RIMS2: variants seen among roughly 807,000 people sequenced by gnomAD.
RIMS2 encodes the protein regulating synaptic membrane exocytosis protein 2.
Under a neutral mutation model 174.4 loss-of-function variants are expected in RIMS2, and 59 were observed. The ratio of observed to expected loss-of-function variants is 0.34; its 90% CI spans 0.27 to 0.42. The LOEUF (loss-of-function observed/expected upper bound fraction) is 0.42, where lower values mean the gene tolerates loss of function less well. Ranked by LOEUF, RIMS2 falls within the 10% of genes least tolerant of loss-of-function variation. The probability of loss-of-function intolerance (pLI) is 1.00; values close to 1 mark genes in which losing one functional copy is unlikely to be tolerated. For missense variants in RIMS2, 1,620 were observed against 1,666.3 expected, an observed-to-expected ratio of 0.97 and a Z score of 0.48; for synonymous variants, 606 against 572.5, an observed-to-expected ratio of 1.06 and a Z score of -0.84.
intron 1 of RIMS2, among the ~76,000 whole-genome samples, chr8:103,589,801 T>A (rs1257003418): frequency 6.6e-6 from 1 of 151,418 alleles, no homozygotes; most frequent in Admixed American, 6.6e-5. Context: ...GAACTGGAGA[T>A]CATTATGTTA....
At chr8:103,887,605 A>AC (rs902134402) in intron 4 of RIMS2, among the ~76,000 whole-genome samples, 2 of 150,912 alleles carry the variant, frequency 1.3e-5, no homozygotes, top group Non-Finnish European at 3.0e-5. Context: ...CCAACCTCCT[A>AC]CCCCCAATTT....
intron 19 of RIMS2, among the ~76,000 whole-genome samples, chr8:104,037,114 G>A (rs2096533741): frequency 6.6e-6 from 1 of 152,132 alleles, no homozygotes; most frequent in Non-Finnish European, 1.5e-5. Context: ...TTTTGTCACT[G>A]TGGAGATGTT....
At chr8:104,101,188 A>C (rs2097891245) in intron 19 of RIMS2, among the ~76,000 whole-genome samples, 1 of 150,306 alleles carries the variant, frequency 6.7e-6, no homozygotes, top group African/African-American at 2.4e-5. Flanking sequence ...GTGCAGTGGC[A>C]CAATCTCGGC....
intron 2 of RIMS2, among the ~76,000 whole-genome samples, chr8:103,752,214 TC>T (rs1243184040): frequency 6.6e-6 from 1 of 152,098 alleles, no homozygotes; most frequent in Non-Finnish European, 1.5e-5. Flanking sequence ...GGGAATCCTT[TC>T]CCCATTGCTT....
intron 4 of RIMS2, among the ~76,000 whole-genome samples, chr8:103,892,540 T>G (rs1427276891): frequency 6.6e-6 from 1 of 151,982 alleles, no homozygotes; most frequent in East Asian, 1.9e-4. Flanking sequence ...CAAGTAAAAG[T>G]TTTTAAAAGT....
chr8:103,971,773 T>G (rs1220020103), intron 15 of RIMS2, among the ~76,000 whole-genome samples: 2 of 152,008 alleles, frequency 1.3e-5, no homozygotes, highest in Non-Finnish European at 2.9e-5. Flanking sequence ...GGTTTCACCA[T>G]TTGGCCAGTC....
In RIMS2 at chr8:104,148,859, C is replaced by T; in HGVS notation, c.3335-96057C>T. On this transcript the variant is annotated intron_variant, in intron 19 of 23. Transcript: ENST00000504942. ...AGCTCAGCCAAACGGGTAGGAATTT[C>T]AATGTTACTTTTAACTTGATATTTG... The T allele has an allele frequency of 6.3e-7, 1 of 1,593,956 alleles. No individual in the cohort carries two copies. The highest frequency in any genetic ancestry group is 2.2e-5 in the East Asian group (1 of 44,760).
chr8:103,935,594 C>T (rs954885037), intron 12 of RIMS2, among the ~76,000 whole-genome samples: 6 of 152,094 alleles, frequency 3.9e-5, no homozygotes, highest in Non-Finnish European at 8.8e-5. Flanking sequence ...TGATACTGTT[C>T]TAATTGGAGT....
At chr8:103,949,673 ATAT>A (rs2084841993) in intron 14 of RIMS2, among the ~76,000 whole-genome samples, 1 of 152,194 alleles carries the variant, frequency 6.6e-6, no homozygotes, top group Non-Finnish European at 1.5e-5. Flanking sequence ...TTAAAGACTT[ATAT>A]TATTAATACC....
chr8:103,807,899 A>C (rs761022352), intron 3 of RIMS2, among the ~76,000 whole-genome samples: 14 of 152,088 alleles, frequency 9.2e-5, no homozygotes, highest in Non-Finnish European at 1.3e-4. Context: ...ATATTTTTTA[A>C]GTTGATAAGA....
At chr8:103,536,849 C>CT (rs1254571059) in intron 1 of RIMS2, among the ~76,000 whole-genome samples, 1 of 152,194 alleles carries the variant, frequency 6.6e-6, no homozygotes, top group East Asian at 1.9e-4. Context: ...AGATCCAAAA[C>CT]ATATCAGTCA....
intron 2 of RIMS2, among the ~76,000 whole-genome samples, chr8:103,763,974 C>T (rs1397667218): frequency 6.6e-6 from 1 of 152,118 alleles, no homozygotes; most frequent in Non-Finnish European, 1.5e-5. Context: ...TGTTAGCAAA[C>T]ATCAGAATTA....
chr8:104,254,396 T>C (rs2099365277), downstream of RIMS2: 1 of 152,198 alleles, frequency 6.6e-6, no homozygotes, highest in African/African-American at 2.4e-5. Flanking sequence ...GGTGATGGTA[T>C]TTAACACTTT....
intron 19 of RIMS2, among the ~76,000 whole-genome samples, chr8:104,184,044 C>G (rs1302324344): frequency 6.6e-6 from 1 of 151,486 alleles, no homozygotes; most frequent in African/African-American, 2.4e-5. Context: ...GGTCTATAAA[C>G]ATGAAAGCAT....
chr8:103,636,778 C>A (rs1435149889), intron 1 of RIMS2, among the ~76,000 whole-genome samples: 2 of 87,770 alleles, frequency 2.3e-5, no homozygotes, highest in Non-Finnish European at 4.3e-5. Context: ...TTTCTATAAC[C>A]CACCCCCGCA....
At chr8:103,671,184 A>G (rs1178509685) in intron 1 of RIMS2, among the ~76,000 whole-genome samples, 1 of 148,870 alleles carries the variant, frequency 6.7e-6, no homozygotes, top group Non-Finnish European at 1.5e-5. Context: ...CCATGGGAAC[A>G]ATATGGGGGA....
At chr8:103,995,659 A>G (rs2095045492) in intron 17 of RIMS2, among the ~76,000 whole-genome samples, 2 of 152,036 alleles carry the variant, frequency 1.3e-5, no homozygotes, top group Admixed American at 6.6e-5. Flanking sequence ...GGGAATTTAT[A>G]CTTGTTTTTT....
chr8:103,943,284 C>G lies in RIMS2; in HGVS notation c.2701+358C>G, dbSNP rs2082964073. On this transcript the variant is annotated intron_variant, in intron 14 of 23. Coordinates refer to ENST00000504942, the Ensembl canonical transcript of RIMS2. ...CACATAGTTGTATACACAAAATTAT[C>G]ATTTCCTCCTTTATTATTCTAGGTA... is the stretch of plus-strand genomic sequence containing the variant. 6.6e-5 allele frequency among the ~76,000 whole-genome samples: 10 copies of G among 152,118 alleles called. No individual in the cohort carries two copies. In the South Asian group the frequency reaches 2.1e-3, roughly 32 times the overall value.
intron 1 of RIMS2, among the ~76,000 whole-genome samples, chr8:103,667,194 A>G (rs1296857777): frequency 2.0e-5 from 3 of 152,196 alleles, no homozygotes; most frequent in African/African-American, 7.2e-5. Flanking sequence ...TCTATAATAC[A>G]TAATGTATGT....
Sources: gnomAD v4.1 joint callset for allele counts (sites outside exome capture counted in the v4.1 genomes callset) on GRCh38, gnomAD v4.1.1 for gene constraint, MANE v1.5 for transcripts, NCBI Gene and HGNC (gene_info 2026-07-23, HGNC 2026-07-21) for gene names.